KIF20A: variants seen among roughly 807,000 people sequenced by gnomAD.
KIF20A encodes the protein kinesin-like protein KIF20A.
A neutral mutation model predicts 113.0 loss-of-function variants in KIF20A; 66 were observed. The ratio of observed to expected loss-of-function variants is 0.58; its 90% CI spans 0.48 to 0.72. KIF20A has a LOEUF of 0.72. Ranked by LOEUF, KIF20A falls within the 30% of genes least tolerant of loss-of-function variation. KIF20A has a pLI of 0.00. For missense variants in KIF20A, 927 were observed against 1,077.6 expected (o/e 0.86, Z 1.96); for synonymous variants, 376 against 402.3 (o/e 0.93, Z 0.78).
At chr5:138,181,906 G>A (rs1489672150) in intron 4 of KIF20A, 178 bp downstream of exon 4, 6 of 649,972 alleles carry the variant, frequency 9.2e-6, no homozygotes, top group Non-Finnish European at 1.6e-5. Flanking sequence ...TATCAGTTCT[G>A]AAAAATTCTA....
chr5:138,187,275 G>C lies in KIF20A; in HGVS notation c.2535G>C (p.Gly845=). 1 of 1,614,134 alleles carries C rather than the reference G, an allele frequency of 6.2e-7. No homozygotes were observed. The highest frequency in any genetic ancestry group is 2.2e-5 in the East Asian group (1 of 44,878). ...ENQQPNQQPP[G]KKPFLRNLLP... ...AGCAACCAAACCAACAACCACCAGG[G>C]AAGAAACCATTCCTTCGAAATTTAC... The change falls in exon 19 of 19, where the codon GGG becomes GGC. Residue 845 remains glycine, a synonymous_variant. Transcript: ENST00000394894.
At position 138,187,453 on chromosome 5, in the gene KIF20A, G is replaced by A; in HGVS notation, c.*40G>A. The A allele has an allele frequency of 6.5e-7, 1 of 1,543,668 alleles. No homozygotes were observed. Among genetic ancestry groups the A allele is most frequent in the African/African-American group, 1.4e-5 (1 of 72,832 alleles). On this transcript the variant is annotated 3_prime_UTR_variant, in exon 19 of 19. Coordinates refer to ENST00000394894, the MANE Select transcript of KIF20A (RefSeq NM_005733.3). ...AGAAGAGCAGTCATGGCCCTGAGGTGGGTCAGCTACTCTCCTGAAGAAATA... is the reference window on the plus strand; with the variant it reads ...AGAAGAGCAGTCATGGCCCTGAGGTAGGTCAGCTACTCTCCTGAAGAAATA...
Position 138,184,827 on chromosome 5 carries a change from A to G in KIF20A, c.1704A>G (p.Glu568=). The change falls in exon 14 of 19, where the codon GAA becomes GAG. Residue 568 remains glutamate, a synonymous_variant. Transcript: ENST00000394894. ...YGKEELLQVV[E]AMKTLLLKER... is the part of the protein sequence containing the mutation. Reference sequence around the variant, plus strand: ...CCTAGGAGCTCCTACAAGTTGTGGAAGCCATGAAGACACTGCTTTTGAAGG... The same window carrying G: ...CCTAGGAGCTCCTACAAGTTGTGGAGGCCATGAAGACACTGCTTTTGAAGG... 1 of 1,614,170 alleles carries G rather than the reference A, an allele frequency of 6.2e-7. No homozygotes were observed. The highest frequency in any genetic ancestry group is 1.3e-5 in the African/African-American group (1 of 75,030).
chr5:138,179,690 G>C lies in KIF20A; in HGVS notation c.10G>C (p.Gly4Arg), dbSNP rs1326783082. The change falls in exon 2 of 19, where the codon GGG becomes CGG. Residue 4 changes from glycine (G) to arginine (R), a missense_variant. Coordinates refer to ENST00000394894, the MANE Select transcript of KIF20A (RefSeq NM_005733.3). ...GGCTGCCCCTGCCGTCATGTCGCAAGGGATCCTTTCTCCGCCAGCGGGCTT... is the reference window on the plus strand; with the variant it reads ...GGCTGCCCCTGCCGTCATGTCGCAACGGATCCTTTCTCCGCCAGCGGGCTT... MSQGILSPPAGLLS... is the reference protein window; with the variant it reads MSQRILSPPAGLLS... The C allele has an allele frequency of 2.5e-6, 4 of 1,613,940 alleles. No individual in the cohort carries two copies. In the South Asian group the frequency reaches 4.4e-5, roughly 18 times the overall value.
Position 138,184,980 on chromosome 5 carries a change from C to G in KIF20A, c.1823+34C>G. ...TGAGTGACCCCTCTTGCTCTGTCAC[C>G]TGAGACAGAGGGTGGGAAGTAAGGA... On this transcript the variant is annotated intron_variant, in intron 14 of 18. Coordinates refer to ENST00000394894, the MANE Select transcript of KIF20A (RefSeq NM_005733.3). 2.5e-6 allele frequency: 4 copies of G among 1,609,618 alleles called. No individual in the cohort carries two copies. The South Asian group carries it at 4.4e-5, about 18-fold the overall frequency.
At chr5:138,185,366 G>T in intron 15 of KIF20A, 146 bp from the exon 16 acceptor site, 1 of 857,396 alleles carries the variant, frequency 1.2e-6, no homozygotes, top group Non-Finnish European at 1.9e-6. Flanking sequence ...AATTGATTAA[G>T]GGTTTAGTTG....
intron 13 of KIF20A, 35 bp downstream of exon 13, chr5:138,184,711 A>AGT (rs758607847): frequency 1.4e-5 from 22 of 1,611,496 alleles, no homozygotes; most frequent in South Asian, 9.9e-5. Flanking sequence ...GTAGCAGCTT[A>AGT]GTAGCTACAC....
Position 138,183,600 on chromosome 5 carries a change from TA to T in KIF20A, c.1139+22del. The T allele has an allele frequency of 6.2e-7, 1 of 1,611,324 alleles. No individual in the cohort carries two copies. Among genetic ancestry groups the T allele is most frequent in the Non-Finnish European group, 8.5e-7 (1 of 1,177,586 alleles). ...GCCGCAGGTGAGTAGATTGTAAGAA[TA>T]AACTCTTCACTGTGTTCCAGGAAAC... On this transcript the variant is annotated intron_variant, in intron 9 of 18. Coordinates refer to ENST00000394894, the MANE Select transcript of KIF20A (RefSeq NM_005733.3). The surrounding 1 kb of genome is among the most constrained non-coding windows in gnomAD (Gnocchi z 5.2).
At chr5:138,187,051 A>G in intron 18 of KIF20A, 45 bp from the exon 19 acceptor site, 1 of 1,472,592 alleles carries the variant, frequency 6.8e-7, no homozygotes, top group Non-Finnish European at 9.3e-7. Flanking sequence ...TTTCTCTAAT[A>G]TACCAGACAA....
Position 138,186,375 on chromosome 5 carries a change from G to A in KIF20A, c.2299G>A (p.Gly767Arg), listed in dbSNP as rs145457733. ...SAERACCHST[G>R]AGKLRQALTT... ...AGAGAGAGCTTGTTGCCACAGCACT[G>A]GGGCAGGAAAACTTCGTCAAGCCTT... is the stretch of plus-strand genomic sequence containing the variant. Residue 767 changes from glycine to arginine, a missense_variant, in exon 18 of 19, where the codon GGG becomes AGG. Coordinates refer to ENST00000394894, the MANE Select transcript of KIF20A (RefSeq NM_005733.3). 1.2e-5 allele frequency: 20 copies of A among 1,609,332 alleles called. No homozygotes were observed. In the African/African-American group the frequency reaches 2.7e-4, roughly 22 times the overall value.
intron 4 of KIF20A, 140 bp from the exon 5 acceptor site, chr5:138,182,183 C>T: frequency 1.1e-6 from 1 of 871,576 alleles, no homozygotes. Context: ...GTTTAGGGAA[C>T]AGCCAGCAGC....
At position 138,184,494 on chromosome 5, in the gene KIF20A, TA is replaced by T; in HGVS notation, c.1519-17del. ...GGACTACTTATGGAGTCAAGTAAGA[TA>T]TTTTTTTTCCCTCTAGCTTGTGCAT... is the stretch of plus-strand genomic sequence containing the variant. On this transcript the variant is annotated splice_polypyrimidine_tract_variant and intron_variant, in intron 12 of 18. Coordinates refer to ENST00000394894, the MANE Select transcript of KIF20A (RefSeq NM_005733.3). The T allele has an allele frequency of 1.2e-6, 2 of 1,610,750 alleles. No homozygotes were observed. Among genetic ancestry groups the T allele is most frequent in the Non-Finnish European group, 1.7e-6 (2 of 1,177,230 alleles).
In KIF20A at chr5:138,186,063, C is replaced by G; in HGVS notation, c.2217+11C>G. On this transcript the variant is annotated intron_variant, in intron 17 of 18. Coordinates refer to ENST00000394894, the MANE Select transcript of KIF20A (RefSeq NM_005733.3). ...GAAGAGGGCCAGAAGGTAATTACCA[C>G]CATTCTCTGTTTACCAAACTCTTAC... 1 of 1,609,570 alleles carries G rather than the reference C, an allele frequency of 6.2e-7. No homozygotes were observed. The highest frequency in any genetic ancestry group is 8.5e-7 in the Non-Finnish European group (1 of 1,176,152).
chr5:138,187,109 C>G lies in KIF20A; in HGVS notation c.2369C>G (p.Ala790Gly). ...DILIKQDQTL[A>G]ELQNNMVLVK... is the part of the protein sequence containing the mutation. ...GATCTTCCTTAGGACCAGACTCTGG[C>G]TGAACTGCAGAACAACATGGTGCTA... The change falls in exon 19 of 19, where the codon GCT (alanine) becomes GGT (glycine). Residue 790 changes from alanine to glycine, a missense_variant. Ala to Gly is a moderately conservative substitution (Grantham distance 60). Coordinates refer to ENST00000394894, the MANE Select transcript of KIF20A (RefSeq NM_005733.3). The G allele has an allele frequency of 6.2e-7, 1 of 1,609,134 alleles. No homozygotes were observed. The highest frequency in any genetic ancestry group is 8.5e-7 in the Non-Finnish European group (1 of 1,176,302).
chr5:138,182,799 G>A (rs957376779), intron 6 of KIF20A, 26 bp downstream of exon 6: 2 of 1,613,344 alleles, frequency 1.2e-6, no homozygotes, highest in African/African-American at 1.3e-5. Flanking sequence ...CCATGGCAGT[G>A]GGGGTAGGGG....
rs144942820 is a variant in KIF20A, at chr5:138,183,994, G to C, written c.1241G>C (p.Arg414Pro). 3 of 1,614,136 alleles carry C rather than the reference G, an allele frequency of 1.9e-6. No homozygotes were observed. In the South Asian group the frequency reaches 3.3e-5, roughly 18 times the overall value. The change falls in exon 11 of 19, where the codon CGC (arginine) becomes CCC (proline). Residue 414 changes from arginine to proline, a missense_variant. Arg to Pro is a moderately radical substitution (Grantham distance 103). Coordinates refer to ENST00000394894, the MANE Select transcript of KIF20A (RefSeq NM_005733.3). This position sits in a 1 kb window ranked among gnomAD's most constrained non-coding sequence, Gnocchi z 5.2. ...LSLCDLAGSE[R>P]CKDQKSGERL... ...CTCTGTGATCTGGCTGGCTCAGAGC[G>C]CTGCAAAGATCAGAAGAGTGGTGAA... is the stretch of plus-strand genomic sequence containing the variant.
At position 138,179,652 on chromosome 5, in the gene KIF20A, C is replaced by G; in HGVS notation, c.-21-8C>G. 3 of 1,612,736 alleles carry G rather than the reference C, an allele frequency of 1.9e-6. No individual in the cohort carries two copies. Among genetic ancestry groups the G allele is most frequent in the Non-Finnish European group, 8.5e-7 (1 of 1,179,810 alleles). The stretch of plus-strand genomic sequence containing the variant: ...CTTCTCCCTGCCCACTTTTTGGTCT[C>G]TTTTTAGACCTAGGCTGCCCCTGCC... On this transcript the variant is annotated splice_region_variant and splice_polypyrimidine_tract_variant and intron_variant, in intron 1 of 18. Transcript: ENST00000394894.
At position 138,187,439 on chromosome 5, in the gene KIF20A, C is replaced by T. The variant is rs367709537; in HGVS notation, c.*26C>T. On this transcript the variant is annotated 3_prime_UTR_variant, in exon 19 of 19. Transcript: ENST00000394894. ...GGCTGTGGGGAAAGAGAAGAGCAGT[C>T]ATGGCCCTGAGGTGGGTCAGCTACT... The T allele has an allele frequency of 4.4e-6, 7 of 1,593,094 alleles. No homozygotes were observed. The highest frequency in any genetic ancestry group is 6.0e-6 in the Non-Finnish European group (7 of 1,166,846).
Position 138,183,375 on chromosome 5 carries a change from T to C in KIF20A, c.1027+12T>C, listed in dbSNP as rs760045224. On this transcript the variant is annotated intron_variant, in intron 8 of 18. Coordinates refer to ENST00000394894, the MANE Select transcript of KIF20A (RefSeq NM_005733.3). The surrounding 1 kb of genome is among the most constrained non-coding windows in gnomAD (Gnocchi z 5.2). ...TCCCTATGTGAAAGGTAAAGGAACA[T>C]GGGGAAAGCTGGCATGAACCCTGGA... 1.9e-6 allele frequency: 3 copies of C among 1,613,870 alleles called. No individual in the cohort carries two copies. Among genetic ancestry groups the C allele is most frequent in the Admixed American group, 1.7e-5 (1 of 59,990 alleles).
Sources: allele counts gnomAD v4.1 joint callset, GRCh38; gene constraint gnomAD v4.1.1; non-coding constraint Gnocchi (gnomAD v3.1); transcripts MANE v1.5; gene names NCBI Gene and HGNC (gene_info 2026-07-23, HGNC 2026-07-21).